Variants in SEC14L6 observed in about 807,000 individuals in gnomAD.
SEC14L6 encodes the protein SEC14 like lipid binding 6.
In SEC14L6, 40 loss-of-function variants were observed where a neutral mutation model predicts 54.1. The observed-to-expected ratio is 0.74, with a 90% CI of 0.57 to 0.96. The LOEUF (loss-of-function observed/expected upper bound fraction) is 0.96. Ranked by LOEUF, SEC14L6 falls within the 40% of genes least tolerant of loss-of-function variation. SEC14L6 has a pLI of 0.00. For missense variants in SEC14L6, 471 were observed against 498.3 expected (o/e 0.95, Z 0.52); for synonymous variants, 171 against 198.4 (o/e 0.86, Z 1.16).
rs1316717964 is a variant in SEC14L6 at position 30,531,929 on chromosome 22, T to G, written c.493A>C (p.Lys165Gln). Residue 165 changes from lysine to glutamine, a missense_variant, in exon 6 of 12, where the codon AAG (lysine) becomes CAG (glutamine). Physicochemically the swap from Lys to Gln is moderately conservative, Grantham distance 53. Transcript: ENST00000402034. ...TCCTGGAGAAGCTCTATTCCTGGCT[T>G]CCACAGATCCCTCAGGCCCAGCCCT... is the stretch of plus-strand genomic sequence containing the variant. ...LEGLGLRDLWKPGIELLQEFF... is the reference protein window; with the variant it reads ...LEGLGLRDLWQPGIELLQEFF... 1.9e-6 allele frequency: 3 copies of G among 1,550,736 alleles called. No individual in the cohort carries two copies. The Admixed American group carries it at 5.9e-5, about 30-fold the overall frequency.
At chr22:30,529,030 G>C (rs1936874266) in intron 8 of SEC14L6, 57 bp downstream of exon 8, 4 of 1,400,850 alleles carry the variant, frequency 2.9e-6, no homozygotes, top group Non-Finnish European at 4.0e-6. Context: ...TCTGTGAGAA[G>C]GACCACCCTC....
chr22:30,537,021 C>CA (rs11383409), intron 2 of SEC14L6, among the ~76,000 whole-genome samples: 56,253 of 78,192 alleles, frequency 0.72, 19,972 homozygotes, highest in African/African-American at 0.81. Flanking sequence ...GACTCTGACT[C>CA]AAAAAAAAAA....
In SEC14L6 at chr22:30,546,718, C is replaced by A; in HGVS notation, c.-36G>T. The stretch of plus-strand genomic sequence containing the variant: ...AATGGGTCCAGGCTCCACTCTGTGG[C>A]TCCCTCCAGGTGGCCTGCCTTTTGC... On this transcript the variant is annotated 5_prime_UTR_variant, in exon 1 of 12. Transcript: ENST00000402034. 6.5e-7 allele frequency: 1 copy of A among 1,540,300 alleles called. No individual in the cohort carries two copies. Among genetic ancestry groups the A allele is most frequent in the Admixed American group, 2.0e-5 (1 of 50,504 alleles).
chr22:30,530,002 G>A (rs1300449999), intron 6 of SEC14L6, among the ~76,000 whole-genome samples: 2 of 152,154 alleles, frequency 1.3e-5, no homozygotes. Flanking sequence ...TTCTTGCCAA[G>A]AATAAGTCTA....
chr22:30,541,023 A>AG (rs2085698555), intron 1 of SEC14L6, among the ~76,000 whole-genome samples: 1 of 151,700 alleles, frequency 6.6e-6, no homozygotes, highest in African/African-American at 2.4e-5. Context: ...CATCTCAAAA[A>AG]AAAAAAAAAT....
intron 6 of SEC14L6, among the ~76,000 whole-genome samples, chr22:30,530,669 T>C (rs1340779398): frequency 2.0e-5 from 3 of 152,242 alleles, no homozygotes; most frequent in Non-Finnish European, 4.4e-5. Context: ...CCCAAAATGT[T>C]GGCTTTACAG....
At chr22:30,540,816 C>T (rs532573031) in intron 1 of SEC14L6, among the ~76,000 whole-genome samples, 1 of 151,740 alleles carries the variant, frequency 6.6e-6, no homozygotes, top group African/African-American at 2.4e-5. Flanking sequence ...GCCAGGAGTT[C>T]GAGATCAGCC....
At chr22:30,539,866 T>G (rs1006853325) in intron 1 of SEC14L6, among the ~76,000 whole-genome samples, 1 of 152,192 alleles carries the variant, frequency 6.6e-6, no homozygotes, top group Non-Finnish European at 1.5e-5. Context: ...ACAGTTCAGC[T>G]GGCCCTGGGC....
intron 1 of SEC14L6, chr22:30,543,825 A>G (rs1420928477): frequency 6.6e-7 from 1 of 1,508,950 alleles, no homozygotes; most frequent in African/African-American, 1.4e-5. Flanking sequence ...ATGCCAGAAA[A>G]ATAACCCAGG....
At chr22:30,543,369 C>G in intron 1 of SEC14L6, 3 of 1,576,858 alleles carry the variant, frequency 1.9e-6, no homozygotes, top group South Asian at 1.1e-5. Context: ...GGGCAGAGAA[C>G]CAGGTGAATA....
rs1936992760 is a variant in SEC14L6 at position 30,531,994 on chromosome 22, C to T, written c.428G>A (p.Gly143Glu). 6.4e-7 allele frequency: 1 copy of T among 1,550,446 alleles called. No individual in the cohort carries two copies. The highest frequency in any genetic ancestry group is 1.2e-5 in the South Asian group (1 of 84,038). Residue 143 changes from glycine to glutamate, a missense_variant, in exon 6 of 12, where the codon GGG (glycine) becomes GAG (glutamate). By Grantham distance (98) the Gly-to-Glu change is moderately conservative. Coordinates refer to ENST00000402034, the MANE Select transcript of SEC14L6 (RefSeq NM_001193336.4). ...RECELQSQKL[G>E]KRVEKIIAIF... Reference sequence around the variant, plus strand: ...AGCTATGATTTTCTCCACCCTCTTCCCCAGCTGCAAGGGAATGACAGGGGG... The same window carrying T: ...AGCTATGATTTTCTCCACCCTCTTCTCCAGCTGCAAGGGAATGACAGGGGG...
At chr22:30,542,297 C>CA (rs933111522) in intron 1 of SEC14L6, among the ~76,000 whole-genome samples, 5 of 151,708 alleles carry the variant, frequency 3.3e-5, no homozygotes, top group African/African-American at 1.2e-4. Context: ...AAAAGGCAGA[C>CA]ACCCCCCCAC....
chr22:30,532,308 T>A, intron 5 of SEC14L6: 1 of 982,604 alleles, frequency 1.0e-6, no homozygotes, highest in Non-Finnish European at 1.2e-6. Context: ...GTGGATTGAG[T>A]GGGCTTTGGG....
intron 2 of SEC14L6, among the ~76,000 whole-genome samples, chr22:30,534,260 T>C (rs1352881967): frequency 1.3e-5 from 2 of 152,206 alleles, no homozygotes; most frequent in African/African-American, 2.4e-5. Flanking sequence ...TGGTGGGCCT[T>C]GGGGCCCTTT....
At chr22:30,543,353 C>T (rs2085758356) in intron 1 of SEC14L6, 1 of 1,573,346 alleles carries the variant, frequency 6.4e-7, no homozygotes, top group Non-Finnish European at 8.7e-7. Flanking sequence ...ACTCAACAGC[C>T]CATGAGGGCA....
chr22:30,536,034 A>T (rs1601892801), intron 2 of SEC14L6, among the ~76,000 whole-genome samples: 1 of 151,070 alleles, frequency 6.6e-6, no homozygotes, highest in East Asian at 1.9e-4. Flanking sequence ...AAGTTTTAAA[A>T]TTTTTTTTGT....
intron 1 of SEC14L6, among the ~76,000 whole-genome samples, chr22:30,545,811 G>T (rs1035917284): frequency 6.7e-6 from 1 of 150,348 alleles, no homozygotes; most frequent in African/African-American, 2.5e-5. Flanking sequence ...GGTTTTTTTT[G>T]TTTTGTTTTG....
rs1184277257 is a variant in SEC14L6 at position 30,532,791 on chromosome 22, GCTCAC to G, written c.234+1_234+5del. ...GGATCAGGGTATGGGTTTGAGAGAT[GCTCAC>G]CTCTGGGGGCTGCCAGGCAAGGATG... On this transcript the variant is annotated splice_donor_variant and splice_donor_5th_base_variant and intron_variant, in intron 4 of 11. Coordinates refer to ENST00000402034, the MANE Select transcript of SEC14L6 (RefSeq NM_001193336.4). LOFTEE classifies it high-confidence loss of function. The G allele has an allele frequency of 4.3e-6, 7 of 1,612,762 alleles. No individual in the cohort carries two copies. The highest frequency in any genetic ancestry group is 5.1e-6 in the Non-Finnish European group (6 of 1,179,506).
At chr22:30,533,166 CTT>C (rs1439413266) in intron 3 of SEC14L6, 1 of 983,074 alleles carries the variant, frequency 1.0e-6, no homozygotes, top group African/African-American at 1.8e-5. Flanking sequence ...TCAGACTCTA[CTT>C]CCTGACTTCC....
Sources: gnomAD v4.1 joint callset for allele counts (sites outside exome capture counted in the v4.1 genomes callset) on GRCh38, gnomAD v4.1.1 for gene constraint, MANE v1.5 for transcripts, NCBI Gene and HGNC (gene_info 2026-07-23, HGNC 2026-07-21) for gene names.